The following STK39 variants were observed in gnomAD, a reference collection of about 807,000 sequenced individuals.
The protein encoded by STK39 is STE20/SPS1-related proline-alanine-rich protein kinase.
STK39 carries 20 observed loss-of-function variants against 77.8 expected under a neutral mutation model. The observed-to-expected ratio is 0.26, with a 90% CI of 0.18 to 0.37. The LOEUF is 0.37. Among genes scored for constraint, STK39 ranks in the 10% least tolerant of loss-of-function variants. STK39 has a pLI of 1.00. For missense variants in STK39, 479 were observed against 656.5 expected, an observed-to-expected ratio of 0.73 and a Z score of 2.95; for synonymous variants, 246 against 234.1, an observed-to-expected ratio of 1.05 and a Z score of -0.47.
At chr2:167,981,035 C>G (rs1900285) in intron 16 of STK39, among the ~76,000 whole-genome samples, 84,732 of 151,514 alleles carry the variant, frequency 0.56, 24,743 homozygotes, top group African/African-American at 0.67. Context: ...CTTCACACTA[C>G]GTTAGGCCAC....
At chr2:167,969,760 C>T (rs367723042) in intron 16 of STK39, among the ~76,000 whole-genome samples, 48 of 152,330 alleles carry the variant, frequency 3.2e-4, no homozygotes, top group African/African-American at 1.1e-3. Context: ...ACTGCTTCCA[C>T]CCTGATCCCT....
intron 14 of STK39, among the ~76,000 whole-genome samples, chr2:168,041,998 C>T (rs749596342): frequency 5.3e-5 from 8 of 152,140 alleles, no homozygotes; most frequent in East Asian, 1.9e-4. Context: ...AAGCTTGCCT[C>T]GCTATATAAT....
chr2:168,078,759 A>G lies in STK39; in HGVS notation c.1090-3528T>C, dbSNP rs549472124. Among the ~76,000 whole-genome samples the G allele has an allele frequency of 4.7e-3, 711 of 151,008 alleles. 5 individuals carry two copies. The highest frequency in any genetic ancestry group is 0.021 in the Middle Eastern group (6 of 286). On this transcript the variant is annotated intron_variant, in intron 10 of 17. Transcript: ENST00000355999. Reference sequence around the variant, plus strand: ...ATCTGTCCAAAAAAAAAAAAAAAAAAGGAAAGCACCCACTAGCCTCTCCCA... The same window carrying G: ...ATCTGTCCAAAAAAAAAAAAAAAAAGGGAAAGCACCCACTAGCCTCTCCCA...
intron 14 of STK39, among the ~76,000 whole-genome samples, chr2:168,039,419 C>T (rs1685044584): frequency 2.7e-5 from 1 of 37,558 alleles, no homozygotes; most frequent in African/African-American, 7.1e-5. Flanking sequence ...GGTGAAACCC[C>T]GTCTCTACTA....
At chr2:168,193,732 T>C (rs1689398417) in intron 1 of STK39, among the ~76,000 whole-genome samples, 1 of 152,138 alleles carries the variant, frequency 6.6e-6, no homozygotes, top group Non-Finnish European at 1.5e-5. Context: ...GGAGACAACA[T>C]AAGGGGTCAC....
intron 1 of STK39, among the ~76,000 whole-genome samples, chr2:168,242,104 T>C (rs1460148395): frequency 6.6e-6 from 1 of 152,188 alleles, no homozygotes; most frequent in African/African-American, 2.4e-5. Flanking sequence ...GCAGTCACTT[T>C]ACCACAGTTT....
At chr2:167,995,797 T>C (rs1200462553) in intron 16 of STK39, among the ~76,000 whole-genome samples, 1 of 152,168 alleles carries the variant, frequency 6.6e-6, no homozygotes, top group East Asian at 1.9e-4. Flanking sequence ...CAGGTGTCTC[T>C]TACAAGGGGA....
intron 16 of STK39, among the ~76,000 whole-genome samples, chr2:167,979,758 T>C (rs999005474): frequency 6.6e-5 from 10 of 152,224 alleles, no homozygotes; most frequent in African/African-American, 2.4e-4. Context: ...ACCCTGACTT[T>C]CTTCTACGGA....
At chr2:168,178,396 G>T (rs989649927) in intron 2 of STK39, among the ~76,000 whole-genome samples, 7 of 152,150 alleles carry the variant, frequency 4.6e-5, no homozygotes, top group Admixed American at 1.3e-4. Context: ...AAAAGGATTA[G>T]ATTAATTGCT....
chr2:168,077,334 C>T (rs1460721114), intron 10 of STK39, among the ~76,000 whole-genome samples: 3 of 152,144 alleles, frequency 2.0e-5, no homozygotes, highest in Non-Finnish European at 2.9e-5. Flanking sequence ...CAAGCTCTGT[C>T]AGTTTCATTT....
At chr2:168,166,643 A>G (rs2105595970) in intron 3 of STK39, among the ~76,000 whole-genome samples, 1 of 152,320 alleles carries the variant, frequency 6.6e-6, no homozygotes, top group East Asian at 1.9e-4. Flanking sequence ...TGCACTGTCC[A>G]ATACTGGAGC....
intron 1 of STK39, among the ~76,000 whole-genome samples, chr2:168,194,406 C>T (rs1309033496): frequency 2.0e-5 from 3 of 151,832 alleles, no homozygotes; most frequent in African/African-American, 4.8e-5. Flanking sequence ...GGCAACAGAG[C>T]GAGACTCTGT....
chr2:168,134,638 T>C (rs1248738011), intron 8 of STK39, among the ~76,000 whole-genome samples: 1 of 152,112 alleles, frequency 6.6e-6, no homozygotes, highest in Non-Finnish European at 1.5e-5. Flanking sequence ...TATAAGCAAC[T>C]CTCTGTCTAC....
At chr2:168,093,680 A>G (rs1440900204) in intron 10 of STK39, among the ~76,000 whole-genome samples, 1 of 152,134 alleles carries the variant, frequency 6.6e-6, no homozygotes, top group African/African-American at 2.4e-5. Flanking sequence ...TGCACAGCAC[A>G]GTCTGCCAAC....
rs16855010 is a variant in STK39 at position 168,169,035 on chromosome 2, T to C, written c.322-1628A>G. Among the ~76,000 whole-genome samples, 2,190 of 152,268 alleles carry C rather than the reference T, an allele frequency of 0.014. 173 individuals carry two copies. In the East Asian group the frequency reaches 0.24, roughly 16 times the overall value. Reference sequence around the variant, plus strand: ...GAAGTGCTTTTAACCAAAGATAAACTCCTTAGAAACTACTAATTTTTCTTT... The same window carrying C: ...GAAGTGCTTTTAACCAAAGATAAACCCCTTAGAAACTACTAATTTTTCTTT... On this transcript the variant is annotated intron_variant, in intron 2 of 17. Transcript: ENST00000355999.
chr2:167,976,150 A>G (rs770852678), intron 16 of STK39, among the ~76,000 whole-genome samples: 1 of 152,358 alleles, frequency 6.6e-6, no homozygotes, highest in South Asian at 2.1e-4. Context: ...ACCTTAGAAG[A>G]TATTTCTCAT....
chr2:168,150,392 C>T (rs1309585602), intron 5 of STK39, among the ~76,000 whole-genome samples: 1 of 152,160 alleles, frequency 6.6e-6, no homozygotes, highest in Non-Finnish European at 1.5e-5. Flanking sequence ...CTCATATGTG[C>T]AGTAGAATAA....
At chr2:167,970,157 T>C (rs1265405203) in intron 16 of STK39, among the ~76,000 whole-genome samples, 1 of 152,138 alleles carries the variant, frequency 6.6e-6, no homozygotes, top group Non-Finnish European at 1.5e-5. Flanking sequence ...ACCCCCACCA[T>C]CCCGTCACTC....
At chr2:168,023,946 C>T (rs1324853220) in intron 14 of STK39, among the ~76,000 whole-genome samples, 1 of 152,096 alleles carries the variant, frequency 6.6e-6, no homozygotes, top group East Asian at 1.9e-4. Flanking sequence ...TTACTTTTAC[C>T]CGAAATTCCA....
Sources: gnomAD v4.1 joint callset for allele counts (sites outside exome capture counted in the v4.1 genomes callset) on GRCh38, gnomAD v4.1.1 for gene constraint, MANE v1.5 for transcripts, NCBI Gene and HGNC (gene_info 2026-07-23, HGNC 2026-07-21) for gene names.